Variants in ZNF385B observed in about 807,000 individuals in gnomAD.
ZNF385B encodes the protein zinc finger protein 385B, also known as zinc finger protein 533.
In ZNF385B, 23 loss-of-function variants were observed where a neutral mutation model predicts 39.2. That is an observed-to-expected ratio of 0.59 (90% CI 0.42 to 0.83). The LOEUF is 0.83. Among genes scored for constraint, ZNF385B ranks in the 40% least tolerant of loss-of-function variants. The probability of loss-of-function intolerance (pLI) is 0.00; values close to 1 mark genes in which losing one functional copy is unlikely to be tolerated. For synonymous variants in ZNF385B, 205 were observed against 222.6 expected, an observed-to-expected ratio of 0.92 and a Z score of 0.70; for missense variants, 552 against 598.9, an observed-to-expected ratio of 0.92 and a Z score of 0.82.
At position 179,768,891 on chromosome 2, in the gene ZNF385B, A is replaced by G. The variant is rs536292245; in HGVS notation, c.298+612T>C. Among the ~76,000 whole-genome samples, 4 of 152,358 alleles carry G rather than the reference A, an allele frequency of 2.6e-5. No individual in the cohort carries two copies. The East Asian group carries it at 7.7e-4, about 29-fold the overall frequency. ...AGCTTCTGCTTCTATCCAGCCCACA[A>G]GGAAAGGGTGAGAGGCAAGTGAAAG... is the stretch of plus-strand genomic sequence containing the variant. On this transcript the variant is annotated intron_variant, in intron 3 of 9. Coordinates refer to ENST00000410066, the MANE Select transcript of ZNF385B (RefSeq NM_152520.6).
intron 3 of ZNF385B, among the ~76,000 whole-genome samples, chr2:179,615,307 T>C (rs13021168): frequency 0.33 from 50,378 of 152,030 alleles, 8,694 homozygotes; most frequent in Middle Eastern, 0.46. Context: ...CAGGAACTCT[T>C]ATTTGGAAGT....
At chr2:179,832,938 T>C (rs1174877728) in intron 1 of ZNF385B, among the ~76,000 whole-genome samples, 3 of 152,150 alleles carry the variant, frequency 2.0e-5, no homozygotes, top group Admixed American at 1.3e-4. Context: ...AAAATAACAA[T>C]GTTATATAAA....
At chr2:179,493,986 TAAG>T (rs2055872973) in intron 5 of ZNF385B, among the ~76,000 whole-genome samples, 1 of 150,916 alleles carries the variant, frequency 6.6e-6, no homozygotes, top group African/African-American at 2.4e-5. Context: ...GGGACATAGA[TAAG>T]AAATTATAAA....
intron 3 of ZNF385B, among the ~76,000 whole-genome samples, chr2:179,764,063 A>C (rs865814312): frequency 6.6e-6 from 1 of 152,158 alleles, no homozygotes; most frequent in Non-Finnish European, 1.5e-5. Flanking sequence ...TAGGTCCCCA[A>C]CTGCAATTGT....
chr2:179,835,453 A>G (rs1326948216), intron 1 of ZNF385B, among the ~76,000 whole-genome samples: 2 of 152,174 alleles, frequency 1.3e-5, no homozygotes, highest in Admixed American at 6.5e-5. Context: ...CCTAGACCTA[A>G]TGGAATACAC....
intron 1 of ZNF385B, among the ~76,000 whole-genome samples, chr2:179,856,624 CAAA>C (rs11308289): frequency 5.8e-4 from 63 of 108,260 alleles, no homozygotes; most frequent in African/African-American, 9.9e-4. Context: ...ACAGCAGAGA[CAAA>C]AAAAAAAAAA....
At chr2:179,748,811 A>G (rs2106465020) in intron 3 of ZNF385B, among the ~76,000 whole-genome samples, 1 of 152,212 alleles carries the variant, frequency 6.6e-6, no homozygotes, top group East Asian at 1.9e-4. Flanking sequence ...GAGCATTGAC[A>G]CTACACTTAA....
intron 3 of ZNF385B, chr2:179,562,470 T>C (rs1684031224): frequency 2.0e-6 from 2 of 985,278 alleles, no homozygotes; most frequent in Non-Finnish European, 2.4e-6. Flanking sequence ...CATTTAAAAG[T>C]AAATAATTCC....
At chr2:179,725,789 C>T (rs1368097199) in intron 3 of ZNF385B, among the ~76,000 whole-genome samples, 2 of 150,126 alleles carry the variant, frequency 1.3e-5, no homozygotes, top group East Asian at 3.9e-4. Flanking sequence ...TCAAAGAAAC[C>T]CAGATTCTTT....
rs143603892 is a variant in ZNF385B, at chr2:179,781,680, C to T, written c.-154-11008G>A. On this transcript the variant is annotated intron_variant, in intron 1 of 9. Transcript: ENST00000410066. ...GAAAAACAACCAACATAAACTACTA[C>T]GAACACCTCTATATACTCTATATAC... Among the ~76,000 whole-genome samples, 52 of 152,140 alleles carry T rather than the reference C, an allele frequency of 3.4e-4. No individual in the cohort carries two copies. The East Asian group carries it at 5.6e-3, about 16-fold the overall frequency.
intron 8 of ZNF385B, among the ~76,000 whole-genome samples, 175 bp from the exon 9 acceptor site, chr2:179,445,152 C>T (rs1473679962): frequency 6.6e-6 from 1 of 152,086 alleles, no homozygotes; most frequent in Non-Finnish European, 1.5e-5. Flanking sequence ...ATTGTAATGC[C>T]CCTCTGTCCC....
chr2:179,528,163 A>G (rs1449807996), intron 4 of ZNF385B, among the ~76,000 whole-genome samples: 3 of 152,246 alleles, frequency 2.0e-5, no homozygotes, highest in Admixed American at 2.0e-4. Context: ...CCTGTAGACT[A>G]AGAGACACGC....
intron 1 of ZNF385B, among the ~76,000 whole-genome samples, chr2:179,836,384 T>C (rs1297585674): frequency 2.0e-5 from 3 of 152,202 alleles, no homozygotes; most frequent in African/African-American, 4.8e-5. Flanking sequence ...CTGTATTGCT[T>C]CTACTGGAAT....
At chr2:179,749,650 C>A (rs1702563926) in intron 3 of ZNF385B, among the ~76,000 whole-genome samples, 1 of 152,112 alleles carries the variant, frequency 6.6e-6, no homozygotes, top group Admixed American at 6.6e-5. Context: ...CTAATTACCA[C>A]TGGGCTTGGC....
intron 1 of ZNF385B, among the ~76,000 whole-genome samples, chr2:179,822,171 C>G (rs1292106841): frequency 1.3e-5 from 2 of 152,130 alleles, no homozygotes; most frequent in Non-Finnish European, 2.9e-5. Flanking sequence ...AATAGGAGTC[C>G]ATTGAGCACA....
intron 3 of ZNF385B, among the ~76,000 whole-genome samples, chr2:179,650,142 A>G (rs1333413899): frequency 6.6e-6 from 1 of 152,222 alleles, no homozygotes; most frequent in Non-Finnish European, 1.5e-5. Flanking sequence ...AACATTTTTG[A>G]AGCACCTACC....
In ZNF385B at chr2:179,462,701, A is replaced by G. The variant is rs577213538; in HGVS notation, c.716-15931T>C. On this transcript the variant is annotated intron_variant, in intron 6 of 9. Coordinates refer to ENST00000410066, the MANE Select transcript of ZNF385B (RefSeq NM_152520.6). ...GCTAGAGTATCATCACTATATTGTT[A>G]GATGCACAAAAAAGGAGTATTCATT... is the stretch of plus-strand genomic sequence containing the variant. 5.9e-5 allele frequency among the ~76,000 whole-genome samples: 9 copies of G among 152,326 alleles called. No individual in the cohort carries two copies. In the South Asian group the frequency reaches 1.9e-3, roughly 32 times the overall value.
chr2:179,586,993 C>T (rs186907781), intron 3 of ZNF385B, among the ~76,000 whole-genome samples: 1 of 152,196 alleles, frequency 6.6e-6, no homozygotes, highest in East Asian at 1.9e-4. Context: ...GAGCCGAGAT[C>T]ATGCCATTGC....
At chr2:179,702,152 T>TA (rs1158319132) in intron 3 of ZNF385B, among the ~76,000 whole-genome samples, 4 of 152,032 alleles carry the variant, frequency 2.6e-5, no homozygotes, top group African/African-American at 9.7e-5. Context: ...TAAAGTATAA[T>TA]AAAAAAATGT....
Sources: allele counts gnomAD v4.1 joint callset (sites outside exome capture counted in the v4.1 genomes callset), GRCh38; gene constraint gnomAD v4.1.1; transcripts MANE v1.5; gene names NCBI Gene and HGNC (gene_info 2026-07-23, HGNC 2026-07-21).